DIAPH3: variants seen among roughly 807,000 people sequenced by gnomAD.
DIAPH3 encodes diaphanous related formin 3, also known as protein diaphanous homolog 3.
Under a neutral mutation model 144.3 loss-of-function variants are expected in DIAPH3, and 117 were observed. The observed-to-expected ratio is 0.81, with a 90% CI of 0.70 to 0.95. The LOEUF (loss-of-function observed/expected upper bound fraction) is 0.95, where lower values mean the gene tolerates loss of function less well. Ranked by LOEUF, DIAPH3 falls within the 40% of genes least tolerant of loss-of-function variation. The pLI is 0.00. For synonymous variants in DIAPH3, 519 were observed against 488.9 expected, an observed-to-expected ratio of 1.06 and a Z score of -0.81; for missense variants, 1,421 against 1,412.7, an observed-to-expected ratio of 1.01 and a Z score of -0.09.
chr13:60,044,046 G>C (rs1357778654), intron 4 of DIAPH3: 2 of 152,106 alleles, frequency 1.3e-5, no homozygotes, highest in African/African-American at 4.8e-5. Context: ...GGGAACTGTA[G>C]GTTTTACAGT....
chr13:59,898,061 G>A (rs1317326807), intron 20 of DIAPH3, among the ~76,000 whole-genome samples: 1 of 148,806 alleles, frequency 6.7e-6, no homozygotes, highest in Non-Finnish European at 1.5e-5. Flanking sequence ...TTGAACCTGG[G>A]GAGGCAGAGG....
At chr13:59,689,000 A>C (rs1021880415) in intron 27 of DIAPH3, among the ~76,000 whole-genome samples, 1 of 152,126 alleles carries the variant, frequency 6.6e-6, no homozygotes, top group African/African-American at 2.4e-5. Flanking sequence ...GCAATCAACT[A>C]CGTAGACTGG....
At chr13:60,145,494 C>CA (rs1161285255) in intron 1 of DIAPH3, among the ~76,000 whole-genome samples, 1 of 151,990 alleles carries the variant, frequency 6.6e-6, no homozygotes, top group African/African-American at 2.4e-5. Context: ...AAAAAAAATA[C>CA]AAAAAATTAG....
rs759444400 is a variant in DIAPH3, at chr13:59,879,440, C to T, written c.2396G>A (p.Arg799Gln). 3.1e-6 allele frequency: 5 copies of T among 1,613,492 alleles called. No homozygotes were observed. The highest frequency in any genetic ancestry group is 3.4e-6 in the Non-Finnish European group (4 of 1,179,726). Reference sequence around the variant, plus strand: ...AAGCTTAAAGAGAATAGCACTGAGCCGTGGCCGTAGTCTCTTCACATTGCT... The same window carrying T: ...AAGCTTAAAGAGAATAGCACTGAGCTGTGGCCGTAGTCTCTTCACATTGCT... ...VMSNVKRLRP[R>Q]LSAILFKLQF... is the part of the protein sequence containing the mutation. Residue 799 changes from arginine to glutamine, a missense_variant, in exon 21 of 28, where the codon CGG (arginine) becomes CAG (glutamine). By Grantham distance (43) the Arg-to-Gln change is conservative (BLOSUM62 1). Coordinates refer to ENST00000400324, the MANE Select transcript of DIAPH3 (RefSeq NM_001042517.2).
chr13:59,726,265 T>C (rs1190609330), intron 27 of DIAPH3, among the ~76,000 whole-genome samples: 2 of 152,192 alleles, frequency 1.3e-5, no homozygotes, highest in Admixed American at 6.5e-5. Context: ...GACCTACATA[T>C]GTCATCTTTT....
chr13:59,828,303 T>G (rs2041569960), intron 24 of DIAPH3, among the ~76,000 whole-genome samples: 1 of 152,028 alleles, frequency 6.6e-6, no homozygotes, highest in Non-Finnish European at 1.5e-5. Flanking sequence ...ACACATTTCA[T>G]GTTTTGAAAT....
At chr13:60,054,767 G>A (rs896756009) in intron 4 of DIAPH3, among the ~76,000 whole-genome samples, 1 of 151,918 alleles carries the variant, frequency 6.6e-6, no homozygotes, top group African/African-American at 2.4e-5. Context: ...AAAATGCATT[G>A]CGACTATTTC....
chr13:59,991,997 T>C, intron 11 of DIAPH3, 71 bp downstream of exon 11: 1 of 1,173,020 alleles, frequency 8.5e-7, no homozygotes, highest in Non-Finnish European at 1.3e-6. Context: ...GCTAAATATT[T>C]GTGGCTGAGT....
At chr13:59,692,366 T>C (rs911981987) in intron 27 of DIAPH3, among the ~76,000 whole-genome samples, 1 of 151,906 alleles carries the variant, frequency 6.6e-6, no homozygotes, top group Non-Finnish European at 1.5e-5. Flanking sequence ...ATCCCTTTTT[T>C]CAGACCTTTT....
chr13:59,851,616 C>T (rs1450297765), intron 22 of DIAPH3, among the ~76,000 whole-genome samples: 1 of 147,156 alleles, frequency 6.8e-6, no homozygotes, highest in African/African-American at 2.5e-5. Context: ...ATGACTGATT[C>T]AACAATGAAT....
At chr13:60,128,933 A>G (rs2059064516) in intron 2 of DIAPH3, among the ~76,000 whole-genome samples, 1 of 152,212 alleles carries the variant, frequency 6.6e-6, no homozygotes, top group Non-Finnish European at 1.5e-5. Context: ...TATGCATGCC[A>G]GGCTACAAAA....
At chr13:59,958,826 A>T (rs1594128328) in intron 17 of DIAPH3, among the ~76,000 whole-genome samples, 1 of 150,100 alleles carries the variant, frequency 6.7e-6, no homozygotes, top group East Asian at 2.0e-4. Context: ...TGACAAAAAC[A>T]TATGTTAATG....
intron 27 of DIAPH3, among the ~76,000 whole-genome samples, chr13:59,692,425 A>T (rs1177888312): frequency 1.0e-5 from 1 of 95,782 alleles, no homozygotes; most frequent in Non-Finnish European, 2.0e-5. Flanking sequence ...CCATCCCCCG[A>T]CACCAAATAA....
At chr13:59,898,867 G>A (rs1215921173) in intron 20 of DIAPH3, among the ~76,000 whole-genome samples, 1 of 152,168 alleles carries the variant, frequency 6.6e-6, no homozygotes, top group African/African-American at 2.4e-5. Flanking sequence ...TGCCAAAGGA[G>A]AAGATTAACA....
intron 25 of DIAPH3, among the ~76,000 whole-genome samples, chr13:59,801,062 C>T (rs768948716): frequency 1.3e-5 from 2 of 152,066 alleles, no homozygotes; most frequent in African/African-American, 4.8e-5. Context: ...ACACGTGAAT[C>T]CAGCAGAAAG....
chr13:59,956,523 T>C (rs1299171909), intron 17 of DIAPH3, among the ~76,000 whole-genome samples: 1 of 152,188 alleles, frequency 6.6e-6, no homozygotes, highest in African/African-American at 2.4e-5. Flanking sequence ...AGAGGATGTA[T>C]GGAAATGCCA....
At chr13:59,870,027 A>G (rs2044159796) in intron 21 of DIAPH3, among the ~76,000 whole-genome samples, 1 of 152,114 alleles carries the variant, frequency 6.6e-6, no homozygotes, top group Admixed American at 6.5e-5. Context: ...TTTTAGTGTT[A>G]TATCTAAAAC....
At chr13:59,842,667 C>T (rs1293961235) in intron 22 of DIAPH3, among the ~76,000 whole-genome samples, 2 of 152,132 alleles carry the variant, frequency 1.3e-5, no homozygotes, top group Non-Finnish European at 2.9e-5. Context: ...GACTGACTCG[C>T]TATAAATCTG....
intron 21 of DIAPH3, among the ~76,000 whole-genome samples, chr13:59,868,067 T>G (rs957125269): frequency 3.9e-5 from 6 of 152,018 alleles, no homozygotes; most frequent in African/African-American, 1.5e-4. Flanking sequence ...GGCACTTTCA[T>G]AGTGCCAGTC....
Sources: allele counts gnomAD v4.1 joint callset (sites outside exome capture counted in the v4.1 genomes callset), GRCh38; gene constraint gnomAD v4.1.1; transcripts MANE v1.5; gene names NCBI Gene and HGNC (gene_info 2026-07-23, HGNC 2026-07-21).